SSB: variants seen among roughly 807,000 people sequenced by gnomAD.
SSB encodes small RNA binding exonuclease protection factor La, also known as lupus La protein.
SSB carries 17 observed loss-of-function variants against 52.9 expected under a neutral mutation model. The ratio of observed to expected loss-of-function variants is 0.32; its 90% CI spans 0.22 to 0.48. SSB has a LOEUF of 0.48. SSB is among the 20% of genes least tolerant of loss of function. The pLI is 0.99. For missense variants in SSB, 314 were observed against 463.6 expected (o/e 0.68, Z 2.96); for synonymous variants, 111 against 152.1 (o/e 0.73, Z 1.99).
At chr2:169,809,898 C>T (rs939723669) in intron 8 of SSB, among the ~76,000 whole-genome samples, 9 of 152,002 alleles carry the variant, frequency 5.9e-5, no homozygotes, top group African/African-American at 2.2e-4. Context: ...TTACAGGTGT[C>T]AGCCACTGCG....
rs59743225 is a variant in SSB at position 169,800,534 on chromosome 2, C to CAAAAAAAAAAAAAAAAAA, written c.-9-416_-9-399dup. Among the ~76,000 whole-genome samples the CAAAAAAAAAAAAAAAAAA allele has an allele frequency of 1.0e-3, 78 of 78,266 alleles. 3 individuals are homozygous for CAAAAAAAAAAAAAAAAAA. The highest frequency in any genetic ancestry group is 3.8e-3 in the African/African-American group (67 of 17,698). 51.3% of individuals were successfully genotyped at this position (78,266 alleles called of 152,430 possible). A position where few individuals can be genotyped will look rare whatever the true frequency, so the allele number is the denominator to read the frequency against. On this transcript the variant is annotated intron_variant, in intron 1 of 11. Coordinates refer to ENST00000260956, the MANE Select transcript of SSB (RefSeq NM_003142.5). ...GGGCAACAAAAGCGAGACTCCGTCT[C>CAAAAAAAAAAAAAAAAAA]AAAAAAAAAAAAAAAAAAAGAGGTG...
chr2:169,807,480 A>C (rs1280138754), intron 6 of SSB, among the ~76,000 whole-genome samples: 1 of 151,808 alleles, frequency 6.6e-6, no homozygotes, highest in Non-Finnish European at 1.5e-5. Flanking sequence ...GTAGAGATGG[A>C]GTTTCACCAT....
intron 8 of SSB, among the ~76,000 whole-genome samples, chr2:169,809,788 A>ATT (rs576115872): frequency 5.4e-4 from 81 of 149,502 alleles, no homozygotes; most frequent in Non-Finnish European, 1.3e-4. Context: ...AATTTTTTGT[A>ATT]TTTTTTTTTA....
rs1689807479 is a variant in SSB at position 169,805,336 on chromosome 2, T to C, written c.67-138T>C. On this transcript the variant is annotated intron_variant, in intron 2 of 11. Coordinates refer to ENST00000260956, the MANE Select transcript of SSB (RefSeq NM_003142.5). ...TATCTTTTTGCTAATTTGTAAACAT[T>C]ATTGTATATTTGGGGAAAGTGTTTT... 4 of 613,846 alleles carry C rather than the reference T, an allele frequency of 6.5e-6. No homozygotes were observed. In the East Asian group the frequency reaches 1.1e-4, roughly 17 times the overall value. The allele number at this position is 613,846 out of a possible 1,614,324, so 38.0% of individuals were successfully genotyped here.
chr2:169,811,939 G>C lies in SSB; in HGVS notation c.*183G>C. 6.8e-7 allele frequency: 1 copy of C among 1,464,090 alleles called. No individual in the cohort carries two copies. Among genetic ancestry groups the C allele is most frequent in the Non-Finnish European group, 9.4e-7 (1 of 1,062,654 alleles). 90.7% of individuals were successfully genotyped at this position (1,464,090 alleles called of 1,614,324 possible). Reference sequence around the variant, plus strand: ...GAGATTTCTTTGAATGTATTGTTCTGTTTGTGTTATTTCAGATGATTCAAA... The same window carrying C: ...GAGATTTCTTTGAATGTATTGTTCTCTTTGTGTTATTTCAGATGATTCAAA... On this transcript the variant is annotated 3_prime_UTR_variant, in exon 12 of 12. Transcript: ENST00000260956.
chr2:169,809,691 C>T (rs373583270), intron 8 of SSB, among the ~76,000 whole-genome samples: 1 of 151,938 alleles, frequency 6.6e-6, no homozygotes, highest in Non-Finnish European at 1.5e-5. Flanking sequence ...CGGCTCACTG[C>T]AAGCTCCACC....
In SSB at chr2:169,805,389, TAACAG is replaced by T. The variant is rs539766772; in HGVS notation, c.67-81_67-77del. The T allele has an allele frequency of 4.0e-5, 37 of 933,456 alleles. No individual in the cohort carries two copies. In the South Asian group the frequency reaches 5.9e-4, roughly 15 times the overall value. The allele number at this position is 933,456 out of a possible 1,614,324, so 57.8% of individuals were successfully genotyped here. A position where few individuals can be genotyped will look rare whatever the true frequency, so the allele number is the denominator to read the frequency against. Reference sequence around the variant, plus strand: ...CTTTTGTAACTTATGTATTTTTAAATAACAGAACTTGGTACTGTAGAGTAATGTCA... The same window carrying T: ...CTTTTGTAACTTATGTATTTTTAAATAACTTGGTACTGTAGAGTAATGTCA... On this transcript the variant is annotated intron_variant, in intron 2 of 11. Transcript: ENST00000260956.
intron 7 of SSB, 130 bp downstream of exon 7, chr2:169,808,683 G>C: frequency 9.5e-7 from 1 of 1,050,098 alleles, no homozygotes; most frequent in Non-Finnish European, 1.4e-6. Flanking sequence ...ATCTTAAGCT[G>C]CCTTGACAAT....
At chr2:169,803,799 G>A (rs1406809114) in intron 2 of SSB, among the ~76,000 whole-genome samples, 1 of 151,292 alleles carries the variant, frequency 6.6e-6, no homozygotes, top group Non-Finnish European at 1.5e-5. Context: ...GTACAGTGGC[G>A]GTGATCTCAG....
At chr2:169,800,042 G>A (rs1370717918) in intron 1 of SSB, among the ~76,000 whole-genome samples, 5 of 152,136 alleles carry the variant, frequency 3.3e-5, no homozygotes, top group African/African-American at 1.2e-4. Flanking sequence ...ACAGGAAACT[G>A]GCTATCCAAT....
chr2:169,811,218 G>A lies in SSB; in HGVS notation c.1033G>A (p.Ala345Thr). ...RFKGKGKGNK[A>T]AQPGSGKGKV... is the part of the protein sequence containing the mutation. The stretch of plus-strand genomic sequence containing the variant: ...TAAAGGAAAAGGAAAGGGTAATAAA[G>A]CTGCCCAGCCTGGGTCTGGTAAAGG... The change falls in exon 11 of 12, where the codon GCT becomes ACT. Residue 345 changes from alanine to threonine, a missense_variant. Transcript: ENST00000260956. The A allele has an allele frequency of 6.2e-7, 1 of 1,611,848 alleles. No homozygotes were observed. The highest frequency in any genetic ancestry group is 2.2e-5 in the East Asian group (1 of 44,866).
Position 169,811,022 on chromosome 2 carries a change from C to A in SSB, c.975C>A (p.Ser325=), listed in dbSNP as rs1408117446. ...AAATAATAGAAGACCAACAAGAATC[C>A]CTAAACAAATGGAAGTCAAAAGGTC... The part of the protein sequence containing the change: ...LKKIIEDQQE[S]LNKWKSKGRR... The change falls in exon 10 of 12, where the codon TCC becomes TCA. Residue 325 remains serine (S), a synonymous_variant. Transcript: ENST00000260956. The A allele has an allele frequency of 1.9e-6, 3 of 1,610,518 alleles. No individual in the cohort carries two copies. In the East Asian group the frequency reaches 6.7e-5, roughly 36 times the overall value.
chr2:169,804,351 C>A (rs1188178540), intron 2 of SSB, among the ~76,000 whole-genome samples: 1 of 147,482 alleles, frequency 6.8e-6, no homozygotes, highest in Non-Finnish European at 1.5e-5. Context: ...CTTAAGCAAT[C>A]CTCCCACTTC....
chr2:169,800,891 T>C, intron 1 of SSB, 61 bp from the exon 2 acceptor site: 1 of 1,270,796 alleles, frequency 7.9e-7, no homozygotes, highest in Non-Finnish European at 1.1e-6. Context: ...GTAAACATTA[T>C]CTTTCTATTC....
chr2:169,810,057 G>T (rs1178124406), intron 8 of SSB: 3 of 278,866 alleles, frequency 1.1e-5, no homozygotes, highest in East Asian at 6.5e-5. Context: ...TTGGAATAAA[G>T]GATGACAAAG....
chr2:169,807,955 G>T (rs1689862714), intron 6 of SSB, among the ~76,000 whole-genome samples: 2 of 151,974 alleles, frequency 1.3e-5, no homozygotes, highest in Non-Finnish European at 2.9e-5. Context: ...GATGCACTGT[G>T]ATGGGTCATA....
At chr2:169,807,737 C>CTTTTTTTT (rs55845251) in intron 6 of SSB, among the ~76,000 whole-genome samples, 38 of 74,032 alleles carry the variant, frequency 5.1e-4, no homozygotes, top group East Asian at 1.5e-3. Flanking sequence ...GCCTATATGT[C>CTTTTTTTT]TTTTTTTTTT....
intron 11 of SSB, 98 bp from the exon 12 acceptor site, chr2:169,811,570 C>G: frequency 6.7e-7 from 1 of 1,484,276 alleles, no homozygotes; most frequent in Non-Finnish European, 9.0e-7. Context: ...GAAGTTGTTG[C>G]ATCTTTTTCA....
intron 2 of SSB, among the ~76,000 whole-genome samples, chr2:169,802,590 T>C (rs1457631328): frequency 6.6e-6 from 1 of 152,238 alleles, no homozygotes; most frequent in African/African-American, 2.4e-5. Flanking sequence ...TCCCACAACC[T>C]GCTAACTCTC....
Sources: gnomAD v4.1 joint callset for allele counts (sites outside exome capture counted in the v4.1 genomes callset) on GRCh38, gnomAD v4.1.1 for gene constraint, MANE v1.5 for transcripts, NCBI Gene and HGNC (gene_info 2026-07-23, HGNC 2026-07-21) for gene names.